Variants in BABAM2 observed in about 807,000 individuals in gnomAD.
The protein encoded by BABAM2 is BRISC and BRCA1 A complex member 2, also known as BRISC and BRCA1-A complex member 2.
In BABAM2, 31 loss-of-function variants were observed where a neutral mutation model predicts 54.7. That is an observed-to-expected ratio of 0.57 (90% CI 0.43 to 0.77). BABAM2 has a LOEUF of 0.77. BABAM2 is among the 30% of genes least tolerant of loss of function. The pLI, the probability that BABAM2 is intolerant of heterozygous loss-of-function variation, is 0.00. For synonymous variants in BABAM2, 167 were observed against 162.9 expected (o/e 1.03, Z -0.19); for missense variants, 364 against 455.8 (o/e 0.80, Z 1.83).
At chr2:27,896,931 C>T (rs773764826) in intron 2 of BABAM2, 8 of 159,502 alleles carry the variant, frequency 5.0e-5, no homozygotes, top group Non-Finnish European at 9.8e-5. Context: ...GTACTTTTCA[C>T]ACATGTCCAC....
intron 2 of BABAM2, among the ~76,000 whole-genome samples, chr2:27,924,368 G>A (rs977245626): frequency 1.3e-5 from 2 of 152,024 alleles, no homozygotes; most frequent in African/African-American, 4.8e-5. Flanking sequence ...AGGCAACAGA[G>A]GAAAGCTCTT....
chr2:28,157,677 T>C (rs1249767176), intron 7 of BABAM2, among the ~76,000 whole-genome samples: 1 of 152,236 alleles, frequency 6.6e-6, no homozygotes, highest in Non-Finnish European at 1.5e-5. Context: ...AATGGCGCGA[T>C]CTCGGCTCAC....
chr2:28,040,291 A>ATTTTTTTTTTTTTTT (rs1204898070), intron 5 of BABAM2, among the ~76,000 whole-genome samples: 104 of 97,202 alleles, frequency 1.1e-3, no homozygotes, highest in Non-Finnish European at 1.5e-3. Flanking sequence ...GAAAAACTGA[A>ATTTTTTTTTTTTTTT]TTCTTTTTTT....
intron 11 of BABAM2, among the ~76,000 whole-genome samples, chr2:28,330,569 A>G (rs528459570): frequency 6.6e-5 from 10 of 152,274 alleles, no homozygotes; most frequent in African/African-American, 2.4e-4. Context: ...TCATGAATGA[A>G]CTCCCATTCA....
At chr2:28,274,046 A>C (rs1391210119) in intron 10 of BABAM2, among the ~76,000 whole-genome samples, 1 of 152,192 alleles carries the variant, frequency 6.6e-6, no homozygotes, top group Non-Finnish European at 1.5e-5. Context: ...CACCTCCAGG[A>C]CTAGCTCACT....
At chr2:28,112,097 C>CTTTCT (rs1558346432) in intron 6 of BABAM2, among the ~76,000 whole-genome samples, 6 of 8,050 alleles carry the variant, frequency 7.5e-4, no homozygotes, top group Non-Finnish European at 1.6e-3. Flanking sequence ...TTCTTTCTTT[C>CTTTCT]TTTCTTTCTT....
At chr2:28,257,415 T>A (rs551538255) in intron 10 of BABAM2, among the ~76,000 whole-genome samples, 31 of 152,234 alleles carry the variant, frequency 2.0e-4, no homozygotes, top group Non-Finnish European at 4.1e-4. Context: ...TAGTTGATTC[T>A]GTTTTGTTTT....
intron 5 of BABAM2, among the ~76,000 whole-genome samples, chr2:28,034,925 C>T (rs988376148): frequency 1.3e-5 from 2 of 151,936 alleles, no homozygotes; most frequent in African/African-American, 2.4e-5. Flanking sequence ...TCGGGATTAA[C>T]GTTAATGGGA....
intron 3 of BABAM2, among the ~76,000 whole-genome samples, chr2:27,954,472 T>G (rs1341578407): frequency 6.6e-6 from 1 of 152,096 alleles, no homozygotes; most frequent in Non-Finnish European, 1.5e-5. Flanking sequence ...TTTATAAAGG[T>G]GAAATACTAA....
intron 6 of BABAM2, among the ~76,000 whole-genome samples, chr2:28,096,180 T>C (rs1666602386): frequency 1.3e-5 from 2 of 151,858 alleles, no homozygotes; most frequent in African/African-American, 4.8e-5. Flanking sequence ...CACAACCGAG[T>C]GAGCAGGATA....
intron 7 of BABAM2, among the ~76,000 whole-genome samples, chr2:28,155,743 C>A (rs765815622): frequency 1.3e-4 from 20 of 152,068 alleles, no homozygotes; most frequent in South Asian, 6.2e-4. Context: ...CATTTTCTTT[C>A]CTTCTGGGAA....
At chr2:28,266,276 C>T (rs1468869807) in intron 10 of BABAM2, among the ~76,000 whole-genome samples, 5 of 152,292 alleles carry the variant, frequency 3.3e-5, no homozygotes, top group South Asian at 2.1e-4. Context: ...CATGAGCCAC[C>T]GTACCCAGCC....
chr2:28,079,363 C>A (rs529509210), intron 6 of BABAM2, among the ~76,000 whole-genome samples: 1 of 152,298 alleles, frequency 6.6e-6, no homozygotes, highest in African/African-American at 2.4e-5. Flanking sequence ...AAAAACCAAA[C>A]TCTTGCACAT....
intron 7 of BABAM2, among the ~76,000 whole-genome samples, chr2:28,217,084 T>G (rs1679987836): frequency 6.6e-6 from 1 of 152,220 alleles, no homozygotes; most frequent in South Asian, 2.1e-4. Context: ...CCTCATCCAT[T>G]GTCATGCTCT....
chr2:28,297,608 T>A (rs1010663002), intron 10 of BABAM2, among the ~76,000 whole-genome samples: 3 of 152,224 alleles, frequency 2.0e-5, no homozygotes, highest in Non-Finnish European at 4.4e-5. Flanking sequence ...TAGCCTGTAC[T>A]ATCACAGCAA....
chr2:28,068,331 A>T (rs1186843352), intron 6 of BABAM2, among the ~76,000 whole-genome samples: 13 of 152,188 alleles, frequency 8.5e-5, no homozygotes, highest in Admixed American at 6.5e-5. Flanking sequence ...TCCTAACCAT[A>T]AATCAGAATC....
chr2:28,033,178 A>G (rs1171817058), intron 5 of BABAM2, among the ~76,000 whole-genome samples: 1 of 152,164 alleles, frequency 6.6e-6, no homozygotes, highest in Non-Finnish European at 1.5e-5. Flanking sequence ...AAGATACATC[A>G]TACATTTTCT....
intron 7 of BABAM2, among the ~76,000 whole-genome samples, chr2:28,186,678 AAAG>A (rs1448945442): frequency 6.6e-6 from 1 of 152,124 alleles, no homozygotes; most frequent in Admixed American, 6.6e-5. Flanking sequence ...AAAAGGAAAG[AAAG>A]AAGGAGAAAA....
chr2:28,112,083 C>CTCTTTCTTTCTTTCTTTCTT lies in BABAM2; in HGVS notation c.571-17142_571-17123dup, dbSNP rs1194065542. On this transcript the variant is annotated intron_variant, in intron 6 of 11. Coordinates refer to ENST00000379624, the MANE Select transcript of BABAM2 (RefSeq NM_199191.3). The stretch of plus-strand genomic sequence containing the variant: ...ATACTTTTTCTTGAGATACCCATTA[C>CTCTTTCTTTCTTTCTTTCTT]TCTTTCTTTCTTTCTTTCTTTCTTT... 1.1e-4 allele frequency among the ~76,000 whole-genome samples: 11 copies of CTCTTTCTTTCTTTCTTTCTT among 98,812 alleles called. 5 individuals are homozygous for CTCTTTCTTTCTTTCTTTCTT. The highest frequency in any genetic ancestry group is 5.8e-4 in the East Asian group (2 of 3,434). 64.8% of individuals were successfully genotyped at this position (98,812 alleles called of 152,430 possible).
Sources: gnomAD v4.1 joint callset for allele counts (sites outside exome capture counted in the v4.1 genomes callset) on GRCh38, gnomAD v4.1.1 for gene constraint, MANE v1.5 for transcripts, NCBI Gene and HGNC (gene_info 2026-07-23, HGNC 2026-07-21) for gene names.